CNTN4: variants seen among roughly 807,000 people sequenced by gnomAD.
CNTN4 encodes the protein contactin 4.
Under a neutral mutation model 122.5 loss-of-function variants are expected in CNTN4, and 77 were observed. That is an observed-to-expected ratio of 0.63 (90% confidence interval 0.52 to 0.76). The LOEUF is 0.76. Ranked by LOEUF, CNTN4 falls within the 30% of genes least tolerant of loss-of-function variation. CNTN4 has a pLI of 0.00. For missense variants in CNTN4, 1,256 were observed against 1,259.1 expected (o/e 1.00, Z 0.04); for synonymous variants, 512 against 447.0 (o/e 1.15, Z -1.83).
At chr3:2,545,823 C>T (rs767546569) in intron 3 of CNTN4, among the ~76,000 whole-genome samples, 6 of 151,862 alleles carry the variant, frequency 4.0e-5, no homozygotes, top group Non-Finnish European at 7.4e-5. Context: ...TTGTTATCCA[C>T]CTTGCCACTC....
At position 2,124,470 on chromosome 3, in the gene CNTN4, A is replaced by ACACACC. The variant is rs1157832774; in HGVS notation, c.-145+23834_-145+23835insACCCAC. 1.8e-3 allele frequency among the ~76,000 whole-genome samples: 261 copies of ACACACC among 144,564 alleles called. 1 individual carries two copies. The highest frequency in any genetic ancestry group is 6.3e-3 in the African/African-American group (251 of 39,734). The allele number at this position is 144,564 out of a possible 152,430, so 94.8% of individuals were successfully genotyped here. A position where few individuals can be genotyped will look rare whatever the true frequency, so the allele number is the denominator to read the frequency against. On this transcript the variant is annotated intron_variant, in intron 2 of 24. Coordinates refer to ENST00000418658, the MANE Select transcript of CNTN4 (RefSeq NM_175607.3). The stretch of plus-strand genomic sequence containing the variant: ...CACACACACACACACACACACACAC[A>ACACACC]CACCCCCTTAAGCAAGGTATGCTGG...
At chr3:2,913,056 G>T (rs181024167) in intron 12 of CNTN4, among the ~76,000 whole-genome samples, 157 of 152,250 alleles carry the variant, frequency 1.0e-3, no homozygotes, top group Non-Finnish European at 2.0e-3. Context: ...GCAGGCTGAG[G>T]CAGGAGACTC....
intron 2 of CNTN4, among the ~76,000 whole-genome samples, chr3:2,301,593 C>G (rs988360176): frequency 6.6e-6 from 1 of 152,070 alleles, no homozygotes; most frequent in Non-Finnish European, 1.5e-5. Flanking sequence ...TGTTTTATTC[C>G]TTTTGATTTG....
intron 4 of CNTN4, among the ~76,000 whole-genome samples, chr3:2,697,521 G>T (rs940327110): frequency 1.3e-5 from 2 of 152,128 alleles, no homozygotes; most frequent in Non-Finnish European, 2.9e-5. Flanking sequence ...GTCAGGTTGG[G>T]GTTGCCAGTG....
At chr3:2,643,003 A>C (rs930097311) in intron 4 of CNTN4, among the ~76,000 whole-genome samples, 1 of 152,210 alleles carries the variant, frequency 6.6e-6, no homozygotes, top group African/African-American at 2.4e-5. Flanking sequence ...GGCAGATGTA[A>C]GGCTATATTG....
At chr3:2,135,938 G>A (rs2034671880) in intron 2 of CNTN4, among the ~76,000 whole-genome samples, 1 of 152,170 alleles carries the variant, frequency 6.6e-6, no homozygotes, top group South Asian at 2.1e-4. Flanking sequence ...TAGGGGATGT[G>A]CTTTCCCCAT....
chr3:2,907,665 A>G (rs565672789), intron 12 of CNTN4, among the ~76,000 whole-genome samples: 4 of 152,294 alleles, frequency 2.6e-5, no homozygotes, highest in African/African-American at 4.8e-5. Context: ...GGAACCTCCA[A>G]TGCTATAGAG....
At chr3:2,267,410 G>A (rs1205178790) in intron 2 of CNTN4, among the ~76,000 whole-genome samples, 1 of 152,052 alleles carries the variant, frequency 6.6e-6, no homozygotes, top group African/African-American at 2.4e-5. Flanking sequence ...CTGAAATGAT[G>A]TATACAAATC....
At chr3:2,862,991 G>A (rs914636774) in intron 7 of CNTN4, among the ~76,000 whole-genome samples, 10 of 152,102 alleles carry the variant, frequency 6.6e-5, no homozygotes, top group African/African-American at 2.4e-4. Flanking sequence ...GTTATAGTCC[G>A]CCTCACCCCT....
At chr3:2,917,393 A>C (rs548997668) in intron 12 of CNTN4, among the ~76,000 whole-genome samples, 82 of 149,068 alleles carry the variant, frequency 5.5e-4, no homozygotes, top group Non-Finnish European at 1.0e-3. Flanking sequence ...ACAATTTAAA[A>C]AATAGAAGAT....
intron 6 of CNTN4, among the ~76,000 whole-genome samples, chr3:2,810,376 A>G (rs1576881838): frequency 6.6e-6 from 1 of 152,190 alleles, no homozygotes; most frequent in East Asian, 1.9e-4. Flanking sequence ...CTTAACATGT[A>G]ATATTGATTA....
intron 2 of CNTN4, among the ~76,000 whole-genome samples, chr3:2,113,916 G>C (rs927356733): frequency 2.6e-5 from 4 of 152,144 alleles, no homozygotes; most frequent in African/African-American, 7.2e-5. Context: ...TCATCAATGT[G>C]ATTGGTCAGT....
intron 6 of CNTN4, among the ~76,000 whole-genome samples, chr3:2,782,744 C>T (rs1251444647): frequency 1.3e-5 from 2 of 152,108 alleles, no homozygotes; most frequent in African/African-American, 2.4e-5. Flanking sequence ...GGCTAAGCTA[C>T]TGCTTTTATT....
At chr3:2,869,962 C>T (rs1421318270) in intron 8 of CNTN4, among the ~76,000 whole-genome samples, 1 of 152,186 alleles carries the variant, frequency 6.6e-6, no homozygotes, top group African/African-American at 2.4e-5. Flanking sequence ...CTTAAAAATA[C>T]AGCCCCTGTG....
At chr3:2,592,269 CAT>C (rs2080532883) in intron 4 of CNTN4, among the ~76,000 whole-genome samples, 1 of 152,164 alleles carries the variant, frequency 6.6e-6, no homozygotes, top group Non-Finnish European at 1.5e-5. Flanking sequence ...CATAAGAAAA[CAT>C]ATGAATATCT....
chr3:2,347,690 G>A (rs200689885), intron 3 of CNTN4, among the ~76,000 whole-genome samples: 3 of 151,632 alleles, frequency 2.0e-5, no homozygotes, highest in Non-Finnish European at 2.9e-5. Context: ...AATTACAAGC[G>A]TGAGCCACCA....
At chr3:2,836,660 A>G (rs900074887) in intron 7 of CNTN4, among the ~76,000 whole-genome samples, 2 of 152,100 alleles carry the variant, frequency 1.3e-5, no homozygotes, top group African/African-American at 4.8e-5. Flanking sequence ...AGGTAACTCA[A>G]AATAAGCCAA....
At chr3:2,303,346 A>G (rs763033148) in intron 2 of CNTN4, among the ~76,000 whole-genome samples, 121 of 152,154 alleles carry the variant, frequency 8.0e-4, no homozygotes, top group African/African-American at 2.1e-3. Context: ...CCTGCCCCCC[A>G]AAATTGCTTC....
At chr3:2,714,299 T>C (rs6442749) in intron 4 of CNTN4, among the ~76,000 whole-genome samples, 100,241 of 152,036 alleles carry the variant, frequency 0.66, 34,128 homozygotes, top group East Asian at 0.75. Flanking sequence ...TAGCTAGACA[T>C]AGAGGAGCTG....
Sources: allele counts gnomAD v4.1 joint callset (sites outside exome capture counted in the v4.1 genomes callset), GRCh38; gene constraint gnomAD v4.1.1; transcripts MANE v1.5; gene names NCBI Gene and HGNC (gene_info 2026-07-23, HGNC 2026-07-21).